The following SASH1 variants were observed in gnomAD, a reference collection of about 807,000 sequenced individuals.
SASH1 encodes the protein SAM and SH3 domain containing 1.
SASH1 carries 44 observed loss-of-function variants against 125.2 expected under a neutral mutation model. The ratio of observed to expected loss-of-function variants is 0.35; its 90% confidence interval spans 0.28 to 0.45. The LOEUF (loss-of-function observed/expected upper bound fraction) is 0.45. Among genes scored for constraint, SASH1 ranks in the 20% least tolerant of loss-of-function variants. SASH1 has a pLI of 1.00. For synonymous variants in SASH1, 639 were observed against 649.1 expected, an observed-to-expected ratio of 0.98 and a Z score of 0.24; for missense variants, 1,426 against 1,614.5, an observed-to-expected ratio of 0.88 and a Z score of 2.00.
At chr6:148,231,834 A>G in the SASH1 span, among the ~76,000 whole-genome samples, 1 of 152,128 alleles carries the variant, frequency 6.6e-6, no homozygotes, top group Non-Finnish European at 1.5e-5. Context: ...TTCATCAGGA[A>G]TGTTGTAGAA....
intron 2 of SASH1, among the ~76,000 whole-genome samples, chr6:148,432,823 T>C (rs994136026): frequency 6.6e-6 from 1 of 152,224 alleles, no homozygotes. Flanking sequence ...TTTTCCAGGA[T>C]CTAATTCTGC....
chr6:148,226,159 C>A, the SASH1 span, among the ~76,000 whole-genome samples: 1,333 of 152,214 alleles, frequency 8.8e-3, 12 homozygotes, highest in Non-Finnish European at 0.015. Flanking sequence ...AGACTGGACT[C>A]CACATCAGAT....
Position 148,472,907 on chromosome 6 carries a change from G to A in SASH1, c.515-1203G>A, listed in dbSNP as rs80295167. Among the ~76,000 whole-genome samples the A allele has an allele frequency of 2.0e-5, 3 of 152,176 alleles. No homozygotes were observed. The East Asian group carries it at 5.8e-4, about 29-fold the overall frequency. On this transcript the variant is annotated intron_variant, in intron 6 of 19. Coordinates refer to ENST00000367467, the MANE Select transcript of SASH1 (RefSeq NM_015278.5). ...GGTAAAAAGTATGAATGAGAAAGAT[G>A]GGGAGGAGAGCAGGGTGTGGGACTG...
chr6:148,496,527 C>T (rs975504746), intron 8 of SASH1, among the ~76,000 whole-genome samples: 20 of 152,198 alleles, frequency 1.3e-4, no homozygotes, highest in African/African-American at 4.3e-4. Context: ...ATTCTGTATA[C>T]GATGCATGCA....
chr6:148,207,541 T>C, the SASH1 span, among the ~76,000 whole-genome samples: 6 of 152,204 alleles, frequency 3.9e-5, no homozygotes, highest in African/African-American at 4.8e-5. Context: ...ATTAGTTGTT[T>C]ACACTTTAGT....
the SASH1 span, among the ~76,000 whole-genome samples, chr6:148,250,900 C>T: frequency 1.3e-5 from 2 of 152,158 alleles, no homozygotes; most frequent in Admixed American, 6.5e-5. Flanking sequence ...TCCTGAACAG[C>T]TTCAGTAACT....
chr6:148,293,395 T>C (rs1326572937), intron 1 of SASH1, among the ~76,000 whole-genome samples: 1 of 152,222 alleles, frequency 6.6e-6, no homozygotes. Flanking sequence ...GGTGAGGAAG[T>C]GTCCTTGAAC....
intron 1 of SASH1, among the ~76,000 whole-genome samples, chr6:148,297,648 T>A (rs928244630): frequency 2.6e-5 from 4 of 152,060 alleles, no homozygotes; most frequent in African/African-American, 9.7e-5. Context: ...GGCAACACGA[T>A]GAAACACTGT....
At chr6:148,384,375 A>G (rs1226035490) in intron 1 of SASH1, among the ~76,000 whole-genome samples, 1 of 152,212 alleles carries the variant, frequency 6.6e-6, no homozygotes. Context: ...GAACACCTTA[A>G]AAGAAAAGGT....
chr6:148,210,665 C>A, the SASH1 span, among the ~76,000 whole-genome samples: 1 of 152,182 alleles, frequency 6.6e-6, no homozygotes, highest in African/African-American at 2.4e-5. Context: ...GCTTTTAAAT[C>A]CAAAGTGTCT....
At chr6:148,378,228 A>C (rs1291740295) in intron 1 of SASH1, among the ~76,000 whole-genome samples, 1 of 150,894 alleles carries the variant, frequency 6.6e-6, no homozygotes, top group African/African-American at 2.4e-5. Flanking sequence ...ATTTTTTTGT[A>C]TTTTCAGTAA....
the SASH1 span, among the ~76,000 whole-genome samples, chr6:148,262,565 C>G: frequency 6.6e-6 from 1 of 152,090 alleles, no homozygotes; most frequent in African/African-American, 2.4e-5. Flanking sequence ...TCAGATAGAT[C>G]CCAGGGAGCA....
At chr6:148,284,106 T>G (rs1779419927) in intron 1 of SASH1, among the ~76,000 whole-genome samples, 2 of 152,128 alleles carry the variant, frequency 1.3e-5, no homozygotes, top group African/African-American at 4.8e-5. Context: ...TGACAAGAAC[T>G]AATAGGCAGG....
intron 12 of SASH1, among the ~76,000 whole-genome samples, chr6:148,528,171 G>A (rs758516541): frequency 3.5e-4 from 54 of 152,204 alleles, no homozygotes; most frequent in Admixed American, 6.5e-4. Flanking sequence ...TCATAGAATT[G>A]ATTTTTCCCC....
the SASH1 span, among the ~76,000 whole-genome samples, chr6:148,221,723 G>T: frequency 1.3e-5 from 2 of 152,186 alleles, no homozygotes. Flanking sequence ...GTGAGCTGCG[G>T]TGGTTGTGAA....
chr6:148,434,050 A>G (rs1226233737), intron 2 of SASH1, among the ~76,000 whole-genome samples: 1 of 149,544 alleles, frequency 6.7e-6, no homozygotes, highest in Admixed American at 6.8e-5. Context: ...TTAAAAACAT[A>G]GGGGAACTGG....
the SASH1 span, among the ~76,000 whole-genome samples, chr6:148,233,370 C>T: frequency 2.6e-5 from 4 of 152,112 alleles, 1 homozygote; most frequent in Admixed American, 2.6e-4. Flanking sequence ...GAGGGGGAAG[C>T]TTTCAAGCAG....
intron 1 of SASH1, among the ~76,000 whole-genome samples, chr6:148,273,367 C>T (rs1466965779): frequency 4.1e-5 from 6 of 147,700 alleles, no homozygotes; most frequent in South Asian, 2.1e-4. Flanking sequence ...AATGTCAGCT[C>T]GCTGCAACCT....
chr6:148,317,599 G>A (rs904836633), intron 1 of SASH1, among the ~76,000 whole-genome samples: 1 of 152,074 alleles, frequency 6.6e-6, no homozygotes. Context: ...TAATTTTTTT[G>A]TATTTTTAGT....
Sources: allele counts gnomAD v4.1 joint callset (sites outside exome capture counted in the v4.1 genomes callset), GRCh38; gene constraint gnomAD v4.1.1; transcripts MANE v1.5; gene names NCBI Gene and HGNC (gene_info 2026-07-23, HGNC 2026-07-21).